Variants in SYNGR1 observed in about 807,000 individuals in gnomAD.
The protein encoded by SYNGR1 is synaptogyrin 1, also known as synaptogyrin-1.
SYNGR1 carries 14 observed loss-of-function variants against 26.1 expected under a neutral mutation model. The observed-to-expected ratio is 0.54, with a 90% confidence interval of 0.35 to 0.84. SYNGR1 has a LOEUF of 0.84. Among genes scored for constraint, SYNGR1 ranks in the 40% least tolerant of loss-of-function variants. The pLI, the probability that SYNGR1 is intolerant of heterozygous loss-of-function variation, is 0.01. For synonymous variants in SYNGR1, 141 were observed against 150.1 expected (o/e 0.94, Z 0.44); for missense variants, 319 against 332.9 (o/e 0.96, Z 0.33).
chr22:39,362,015 C>T (rs116173406), intron 1 of SYNGR1, among the ~76,000 whole-genome samples: 21 of 139,716 alleles, frequency 1.5e-4, no homozygotes, highest in African/African-American at 5.2e-4. Flanking sequence ...CCTTTCTCTC[C>T]TTTTTTTTTT....
chr22:39,362,068 A>C (rs1392271923), intron 1 of SYNGR1, among the ~76,000 whole-genome samples: 1 of 147,652 alleles, frequency 6.8e-6, no homozygotes, highest in Non-Finnish European at 1.5e-5. Context: ...GGCTGGTCTC[A>C]AACTCCTGGG....
intron 1 of SYNGR1, among the ~76,000 whole-genome samples, chr22:39,351,815 C>T (rs970758640): frequency 2.6e-5 from 4 of 152,252 alleles, no homozygotes; most frequent in Admixed American, 2.6e-4. Context: ...CAGGTGCCCC[C>T]AGGCAGAGGC....
Position 39,350,158 on chromosome 22 carries a change from G to A in SYNGR1, c.99+49G>A, listed in dbSNP as rs547318987. ...TCTGCCAGGCCGGGGTGGTGGGGGTGTGAGCAAAGGCGGCGCGCCCGGACC... is the reference window on the plus strand; with the variant it reads ...TCTGCCAGGCCGGGGTGGTGGGGGTATGAGCAAAGGCGGCGCGCCCGGACC... On this transcript the variant is annotated intron_variant, in intron 1 of 3. Transcript: ENST00000328933. The surrounding 1 kb of genome is among the most constrained non-coding windows in gnomAD (Gnocchi z 4.3). 5.2e-4 allele frequency: 687 copies of A among 1,311,826 alleles called. 13 individuals are homozygous for A. In the South Asian group the frequency reaches 0.01, roughly 19 times the overall value. The allele number at this position is 1,311,826 out of a possible 1,614,324, so 81.3% of individuals were successfully genotyped here.
At position 39,384,467 on chromosome 22, in the gene SYNGR1, A is replaced by T; in HGVS notation, c.*2553A>T. On this transcript the variant is annotated 3_prime_UTR_variant, in exon 4 of 4. Coordinates refer to ENST00000328933, the MANE Select transcript of SYNGR1 (RefSeq NM_004711.5). ...CCTTCCAGGCATGATCTTCCCCATC[A>T]GGCTGGGCTCTGGCAGGGACCTGCC... 1 of 398,632 alleles carries T rather than the reference A, an allele frequency of 2.5e-6. No homozygotes were observed. The highest frequency in any genetic ancestry group is 4.4e-6 in the Non-Finnish European group (1 of 226,070). The allele number at this position is 398,632 out of a possible 1,614,324, so 24.7% of individuals were successfully genotyped here.
chr22:39,358,066 G>A (rs1408063234), intron 1 of SYNGR1, among the ~76,000 whole-genome samples: 1 of 150,954 alleles, frequency 6.6e-6, no homozygotes, highest in Non-Finnish European at 1.5e-5. Context: ...GGGCTCCTGA[G>A]TCTGGTGGGG....
chr22:39,382,107 C>G lies in SYNGR1; in HGVS notation c.*193C>G. ...TGTCTACGTATGTGCAAGTATATCCCAGGGCATGTGCCCCGCAGGGGCCTA... is the reference window on the plus strand; with the variant it reads ...TGTCTACGTATGTGCAAGTATATCCGAGGGCATGTGCCCCGCAGGGGCCTA... On this transcript the variant is annotated 3_prime_UTR_variant, in exon 4 of 4. Transcript: ENST00000328933. The G allele has an allele frequency of 3.1e-6, 2 of 647,796 alleles. No homozygotes were observed. The highest frequency in any genetic ancestry group is 5.4e-6 in the Non-Finnish European group (2 of 369,710). 40.1% of individuals were successfully genotyped at this position (647,796 alleles called of 1,614,324 possible).
At chr22:39,379,002 C>A (rs1925407196) in intron 3 of SYNGR1, among the ~76,000 whole-genome samples, 1 of 152,254 alleles carries the variant, frequency 6.6e-6, no homozygotes. Context: ...GTACAGGAAA[C>A]CAGCCTGGAT....
intron 1 of SYNGR1, among the ~76,000 whole-genome samples, chr22:39,371,476 CAAAA>C (rs370784123): frequency 4.1e-5 from 5 of 121,848 alleles, no homozygotes; most frequent in Non-Finnish European, 3.5e-5. Context: ...AAGTCCATCT[CAAAA>C]AAAAAAAAAA....
intron 1 of SYNGR1, among the ~76,000 whole-genome samples, chr22:39,372,536 C>T (rs183629629): frequency 8.0e-5 from 12 of 150,228 alleles, no homozygotes; most frequent in African/African-American, 2.9e-4. Context: ...CTGCAACCTC[C>T]GCCCAGGCCC....
At chr22:39,374,620 G>A (rs757601480) in intron 2 of SYNGR1, 67 bp downstream of exon 2, 72 of 1,524,542 alleles carry the variant, frequency 4.7e-5, no homozygotes, top group South Asian at 1.0e-4. Flanking sequence ...CATAGGAGGC[G>A]GCTGCCACCC....
At position 39,362,781 on chromosome 22, in the gene SYNGR1, G is replaced by A. The variant is rs551549939; in HGVS notation, c.100-11535G>A. 1.3e-5 allele frequency among the ~76,000 whole-genome samples: 2 copies of A among 152,162 alleles called. 1 individual carries two copies. Among genetic ancestry groups the A allele is most frequent in the African/African-American group, 4.8e-5 (2 of 41,514 alleles). The stretch of plus-strand genomic sequence containing the variant: ...TGCACAGGGGTGTGCAAGCGGAGGT[G>A]CCAGCCAAGGACGCTCAGGAGGGGA... On this transcript the variant is annotated intron_variant, in intron 1 of 3. Transcript: ENST00000328933.
At chr22:39,358,380 A>C (rs1021746427) in intron 1 of SYNGR1, among the ~76,000 whole-genome samples, 6 of 152,188 alleles carry the variant, frequency 3.9e-5, no homozygotes, top group African/African-American at 1.4e-4. Context: ...AGGCTGCCCG[A>C]GCTTGCATTG....
chr22:39,351,838 G>C (rs1406929132), intron 1 of SYNGR1, among the ~76,000 whole-genome samples: 1 of 152,264 alleles, frequency 6.6e-6, no homozygotes, highest in Non-Finnish European at 1.5e-5. Context: ...CAAGAGCCAG[G>C]AGAGGGGTCT....
At chr22:39,378,319 C>T in intron 3 of SYNGR1, 1 of 970,422 alleles carries the variant, frequency 1.0e-6, no homozygotes, top group Non-Finnish European at 1.2e-6. Context: ...GCCAATGAAA[C>T]AAAGGCCAGC....
At chr22:39,374,896 C>T (rs1032909749) in intron 2 of SYNGR1, 1 of 394,858 alleles carries the variant, frequency 2.5e-6, no homozygotes. Flanking sequence ...CTGGGGCAGC[C>T]TCATGAGGAC....
chr22:39,361,018 A>G (rs1266359907), intron 1 of SYNGR1, among the ~76,000 whole-genome samples: 1 of 152,172 alleles, frequency 6.6e-6, no homozygotes, highest in Non-Finnish European at 1.5e-5. Flanking sequence ...CCTTCTAGCC[A>G]CGGTTCTTCA....
At position 39,360,962 on chromosome 22, in the gene SYNGR1, G is replaced by T. The variant is rs552605904; in HGVS notation, c.99+10853G>T. ...GATTGCTTCCAGGCATCTCCTTAGGGCCCCAACTATGGATGGACGTGGCGG... is the reference window on the plus strand; with the variant it reads ...GATTGCTTCCAGGCATCTCCTTAGGTCCCCAACTATGGATGGACGTGGCGG... On this transcript the variant is annotated intron_variant, in intron 1 of 3. Coordinates refer to ENST00000328933, the MANE Select transcript of SYNGR1 (RefSeq NM_004711.5). Among the ~76,000 whole-genome samples the T allele has an allele frequency of 1.0e-3, 157 of 152,318 alleles. 1 individual carries two copies. The highest frequency in any genetic ancestry group is 3.7e-3 in the African/African-American group (155 of 41,584).
At chr22:39,376,874 C>G in intron 3 of SYNGR1, 1 of 1,426,958 alleles carries the variant, frequency 7.0e-7, no homozygotes, top group Non-Finnish European at 9.2e-7. Flanking sequence ...GAAGTTTATT[C>G]AGGTTTAAAC....
chr22:39,364,400 G>A, intron 1 of SYNGR1: 2 of 1,573,036 alleles, frequency 1.3e-6, no homozygotes, highest in Non-Finnish European at 1.7e-6. Flanking sequence ...TTGTGGGGAT[G>A]ATTTGCAGAT....
Sources: gnomAD v4.1 joint callset for allele counts (sites outside exome capture counted in the v4.1 genomes callset) on GRCh38, gnomAD v4.1.1 for gene constraint, Gnocchi (gnomAD v3.1) non-coding constraint, MANE v1.5 for transcripts, NCBI Gene and HGNC (gene_info 2026-07-23, HGNC 2026-07-21) for gene names.